SMOC2: variants seen among roughly 807,000 people sequenced by gnomAD.
SMOC2 encodes SPARC-related modular calcium-binding protein 2.
Under a neutral mutation model 61.4 loss-of-function variants are expected in SMOC2, and 39 were observed. The ratio of observed to expected loss-of-function variants is 0.64; its 90% CI spans 0.49 to 0.83. The LOEUF is 0.83. SMOC2 is among the 40% of genes least tolerant of loss of function. The pLI is 0.00. For synonymous variants in SMOC2, 247 were observed against 239.9 expected (o/e 1.03, Z -0.27); for missense variants, 556 against 592.9 (o/e 0.94, Z 0.65).
At chr6:168,620,311 T>G (rs1786211951) in intron 9 of SMOC2, among the ~76,000 whole-genome samples, 1 of 152,174 alleles carries the variant, frequency 6.6e-6, no homozygotes, top group Admixed American at 6.5e-5. Flanking sequence ...TACAAATCCC[T>G]TTGTTTTCTA....
At chr6:168,537,758 A>G (rs1783767462) in intron 4 of SMOC2, among the ~76,000 whole-genome samples, 1 of 152,108 alleles carries the variant, frequency 6.6e-6, no homozygotes, top group South Asian at 2.1e-4. Context: ...CTTGCAGTCT[A>G]AGGAGTGCAG....
intron 7 of SMOC2, among the ~76,000 whole-genome samples, chr6:168,582,812 A>G (rs1199062067): frequency 6.6e-6 from 1 of 152,134 alleles, no homozygotes; most frequent in Admixed American, 6.5e-5. Context: ...AGCTCAAACG[A>G]ACCGACACGC....
chr6:168,642,697 G>C (rs1227347358), intron 9 of SMOC2, among the ~76,000 whole-genome samples: 1 of 152,118 alleles, frequency 6.6e-6, no homozygotes, highest in Non-Finnish European at 1.5e-5. Context: ...TTTGGAGGGG[G>C]GTTTATCAAA....
intron 2 of SMOC2, among the ~76,000 whole-genome samples, chr6:168,515,362 C>T (rs532662722): frequency 2.0e-5 from 3 of 152,304 alleles, no homozygotes; most frequent in African/African-American, 4.8e-5. Flanking sequence ...GACTGTTCCC[C>T]GCGCATCACA....
chr6:168,461,548 C>T (rs567699697), intron 1 of SMOC2, among the ~76,000 whole-genome samples: 2 of 152,240 alleles, frequency 1.3e-5, no homozygotes, highest in South Asian at 4.1e-4. Flanking sequence ...TAGTGGTTTT[C>T]ATTTGACTTC....
intron 9 of SMOC2, among the ~76,000 whole-genome samples, chr6:168,639,739 TGG>T (rs3034343): frequency 0.25 from 38,058 of 152,142 alleles, 5,213 homozygotes; most frequent in South Asian, 0.37. Flanking sequence ...GGCAGGTACC[TGG>T]GATGTCAGCA....
chr6:168,501,666 A>G (rs575395123), intron 1 of SMOC2, among the ~76,000 whole-genome samples: 9 of 152,358 alleles, frequency 5.9e-5, no homozygotes, highest in Non-Finnish European at 1.3e-4. Flanking sequence ...GTCCACTAAA[A>G]AACAATAAAG....
chr6:168,518,314 TTC>T (rs1479603531), intron 2 of SMOC2, among the ~76,000 whole-genome samples: 1 of 151,944 alleles, frequency 6.6e-6, no homozygotes, highest in Non-Finnish European at 1.5e-5. Flanking sequence ...GAGAGGGCGT[TTC>T]TGTTGCATGT....
chr6:168,588,650 T>C (rs192801597), intron 7 of SMOC2, among the ~76,000 whole-genome samples: 3 of 152,308 alleles, frequency 2.0e-5, no homozygotes, highest in East Asian at 3.9e-4. Context: ...AGTGGCCAGG[T>C]TGGGGCTGAA....
rs561250335 is a variant in SMOC2, at chr6:168,441,738, C to T, written c.84+284C>T. Among the ~76,000 whole-genome samples the T allele has an allele frequency of 7.2e-5, 11 of 152,310 alleles. 1 individual carries two copies. Among genetic ancestry groups the T allele is most frequent in the South Asian group, 6.2e-4 (3 of 4,832 alleles). The stretch of plus-strand genomic sequence containing the variant: ...TCCACCCGGCTGGGACCCCACCTGC[C>T]TCGGGGGCTCTGACCCGGCTGTGAG... On this transcript the variant is annotated intron_variant, in intron 1 of 12. Transcript: ENST00000356284.
At chr6:168,601,121 C>T (rs1785542308) in intron 8 of SMOC2, among the ~76,000 whole-genome samples, 1 of 152,234 alleles carries the variant, frequency 6.6e-6, no homozygotes, top group Admixed American at 6.5e-5. Flanking sequence ...AAACTGTTTT[C>T]CAAATTTGTC....
At chr6:168,528,456 C>A (rs1783508822) in intron 4 of SMOC2, among the ~76,000 whole-genome samples, 1 of 152,126 alleles carries the variant, frequency 6.6e-6, no homozygotes, top group South Asian at 2.1e-4. Flanking sequence ...CAATATAAAG[C>A]AATAATAAAC....
intron 7 of SMOC2, among the ~76,000 whole-genome samples, chr6:168,590,231 T>G (rs1250630966): frequency 1.9e-3 from 114 of 59,006 alleles, no homozygotes; most frequent in African/African-American, 5.7e-3. Flanking sequence ...GGTGTGGCAT[T>G]AGTTTACGGG....
intron 1 of SMOC2, among the ~76,000 whole-genome samples, chr6:168,492,147 T>C (rs1782484122): frequency 1.3e-5 from 2 of 152,328 alleles, no homozygotes; most frequent in South Asian, 4.1e-4. Flanking sequence ...GAAGGGAATA[T>C]TTCTCTTGAA....
At chr6:168,507,883 C>T (rs1782911611) in intron 1 of SMOC2, among the ~76,000 whole-genome samples, 1 of 152,238 alleles carries the variant, frequency 6.6e-6, no homozygotes. Flanking sequence ...TCTGAGATGG[C>T]AAAGGCCCCA....
chr6:168,559,576 A>T (rs1336507435), intron 7 of SMOC2, among the ~76,000 whole-genome samples: 1 of 152,216 alleles, frequency 6.6e-6, no homozygotes, highest in Non-Finnish European at 1.5e-5. Context: ...AGACCCACAG[A>T]TAATTAATAT....
At position 168,596,053 on chromosome 6, in the gene SMOC2, G is replaced by A. The variant is rs563170149; in HGVS notation, c.638-2765G>A. On this transcript the variant is annotated intron_variant, in intron 7 of 12. Transcript: ENST00000356284. ...GCATGAACAAGCGCCACGTGAACACGGCAGTGATGAGTTTCCTGGGTGCTG... is the reference window on the plus strand; with the variant it reads ...GCATGAACAAGCGCCACGTGAACACAGCAGTGATGAGTTTCCTGGGTGCTG... Among the ~76,000 whole-genome samples, 16 of 126,234 alleles carry A rather than the reference G, an allele frequency of 1.3e-4. No individual in the cohort carries two copies. In the South Asian group the frequency reaches 3.0e-3, roughly 24 times the overall value. 82.8% of individuals were successfully genotyped at this position (126,234 alleles called of 152,430 possible).
intron 9 of SMOC2, among the ~76,000 whole-genome samples, chr6:168,623,813 G>T (rs777220139): frequency 6.6e-6 from 1 of 152,098 alleles, no homozygotes; most frequent in African/African-American, 2.4e-5. Context: ...GACAGCCTCC[G>T]GGACAGTGAT....
chr6:168,583,558 C>T (rs908117052), intron 7 of SMOC2, among the ~76,000 whole-genome samples: 14 of 151,802 alleles, frequency 9.2e-5, no homozygotes, highest in African/African-American at 3.4e-4. Flanking sequence ...GGTCTGACCC[C>T]CTGTCTCTCA....
Sources: allele counts gnomAD v4.1 joint callset (sites outside exome capture counted in the v4.1 genomes callset), GRCh38; gene constraint gnomAD v4.1.1; transcripts MANE v1.5; gene names NCBI Gene and HGNC (gene_info 2026-07-23, HGNC 2026-07-21).